The following FBXO43 variants were observed in gnomAD, a reference collection of about 807,000 sequenced individuals.
The protein encoded by FBXO43 is F-box protein 43, also known as F-box only protein 43.
Under a neutral mutation model 56.7 loss-of-function variants are expected in FBXO43, and 22 were observed. The observed-to-expected ratio is 0.39, with a 90% CI of 0.28 to 0.55. The LOEUF (loss-of-function observed/expected upper bound fraction) is 0.55, where lower values mean the gene tolerates loss of function less well. Ranked by LOEUF, FBXO43 falls within the 20% of genes least tolerant of loss-of-function variation. FBXO43 has a pLI of 0.66. For missense variants in FBXO43, 733 were observed against 814.9 expected (o/e 0.90, Z 1.22); for synonymous variants, 306 against 294.5 (o/e 1.04, Z -0.40).
Position 100,140,939 on chromosome 8 carries a change from T to C in FBXO43, c.1315A>G (p.Lys439Glu), listed in dbSNP as rs2132133280. 1.2e-6 allele frequency: 2 copies of C among 1,614,238 alleles called. No individual in the cohort carries two copies. The highest frequency in any genetic ancestry group is 1.7e-6 in the Non-Finnish European group (2 of 1,180,050). ...DLTFSLKNLS[K>E]TPALQLVHEL... is the part of the protein sequence containing the mutation. ...TGTACCAATTGCAAGGCTGGGGTCT[T>C]TGATAAATTCTTTAAGCTAAAGGTC... The change falls in exon 2 of 5, where the codon AAG becomes GAG. Residue 439 changes from lysine (K) to glutamate (E), a missense_variant. Transcript: ENST00000428847.
chr8:100,146,647 C>G (rs901492788), upstream of FBXO43, among the ~76,000 whole-genome samples: 2 of 152,164 alleles, frequency 1.3e-5, no homozygotes, highest in African/African-American at 4.8e-5. Context: ...TCCTAGTCTC[C>G]TTTTTCTGGC....
intron 2 of FBXO43, among the ~76,000 whole-genome samples, chr8:100,138,292 GTCTT>G (rs1267847051): frequency 6.6e-6 from 1 of 152,224 alleles, no homozygotes; most frequent in African/African-American, 2.4e-5. Flanking sequence ...TATTAATCTG[GTCTT>G]TCTTTGTTAT....
Position 100,140,776 on chromosome 8 carries a change from T to G in FBXO43, c.1478A>C (p.Glu493Ala), listed in dbSNP as rs1186362973. Reference sequence around the variant, plus strand: ...TAATTCTGTTAAGATGTCCAGTTTTTCTATACCCATTTTCTTGCCGATCAG... The same window carrying G: ...TAATTCTGTTAAGATGTCCAGTTTTGCTATACCCATTTTCTTGCCGATCAG... Reference protein sequence around the residue: ...AGLIGKKMGIEKLDILTELKY... With the variant: ...AGLIGKKMGIAKLDILTELKY... Residue 493 changes from glutamate (E) to alanine (A), a missense_variant, in exon 2 of 5, where the codon GAA becomes GCA. By Grantham distance (107) the Glu-to-Ala change is moderately radical. Coordinates refer to ENST00000428847, the MANE Select transcript of FBXO43 (RefSeq NM_001029860.4). The G allele has an allele frequency of 2.5e-6, 4 of 1,614,116 alleles. No homozygotes were observed. The East Asian group carries it at 8.9e-5, about 36-fold the overall frequency.
At position 100,134,188 on chromosome 8, in the gene FBXO43, T is replaced by A. The variant is rs1413577446; in HGVS notation, c.1851A>T (p.Leu617Phe). 1 of 1,614,010 alleles carries A rather than the reference T, an allele frequency of 6.2e-7. No individual in the cohort carries two copies. Among genetic ancestry groups the A allele is most frequent in the Non-Finnish European group, 8.5e-7 (1 of 1,180,000 alleles). The stretch of plus-strand genomic sequence containing the variant: ...TAACATATTCTTCCTGTTTACTACT[T>A]AAGTGAGTAACAGAAGAGCTTGCTA... ...TPLASSSVTH[L>F]SSKQEEYVKV... The change falls in exon 4 of 5, where the codon TTA becomes TTT. Residue 617 changes from leucine to phenylalanine, a missense_variant. Leu to Phe is a conservative substitution (Grantham distance 22). Transcript: ENST00000428847.
upstream of FBXO43, among the ~76,000 whole-genome samples, chr8:100,148,558 C>T (rs1814868949): frequency 6.6e-6 from 1 of 152,178 alleles, no homozygotes; most frequent in African/African-American, 2.4e-5. Context: ...ATTACAGGTG[C>T]ATGCCACCAT....
At position 100,134,199 on chromosome 8, in the gene FBXO43, C is replaced by T; in HGVS notation, c.1840G>A (p.Val614Ile). The T allele has an allele frequency of 6.2e-7, 1 of 1,614,120 alleles. No homozygotes were observed. Among genetic ancestry groups the T allele is most frequent in the Non-Finnish European group, 8.5e-7 (1 of 1,180,024 alleles). The change falls in exon 4 of 5, where the codon GTT (valine) becomes ATT (isoleucine). Residue 614 changes from valine to isoleucine, a missense_variant. Coordinates refer to ENST00000428847, the MANE Select transcript of FBXO43 (RefSeq NM_001029860.4). ...EVLTPLASSS[V>I]THLSSKQEEY... ...TCCTGTTTACTACTTAAGTGAGTAA[C>T]AGAAGAGCTTGCTAGAGGTGTCAAA...
chr8:100,139,045 C>T (rs1362560869), intron 2 of FBXO43, among the ~76,000 whole-genome samples: 3 of 152,108 alleles, frequency 2.0e-5, no homozygotes, highest in African/African-American at 7.2e-5. Flanking sequence ...AAGCCTTAAA[C>T]CTTAATAAGA....
rs1375037806 is a variant in FBXO43 at position 100,141,795 on chromosome 8, T to C, written c.459A>G (p.Leu153=). ...AAGATACATTCAACCTTCTGCGAGGTAAACATTTTTTCCCACTGATTTTAG... is the reference window on the plus strand; with the variant it reads ...AAGATACATTCAACCTTCTGCGAGGCAAACATTTTTTCCCACTGATTTTAG... The part of the protein sequence containing the change: ...ETPKISGKKC[L]PRRRLNVSFA... The change falls in exon 2 of 5, where the codon TTA becomes TTG. Residue 153 remains leucine (L), a synonymous_variant. Coordinates refer to ENST00000428847, the MANE Select transcript of FBXO43 (RefSeq NM_001029860.4). 1.3e-6 allele frequency: 2 copies of C among 1,583,406 alleles called. No homozygotes were observed. Among genetic ancestry groups the C allele is most frequent in the Admixed American group, 1.9e-5 (1 of 53,204 alleles).
chr8:100,134,547 TA>T (rs1288282876), intron 3 of FBXO43, among the ~76,000 whole-genome samples, 183 bp from the exon 4 acceptor site: 1 of 152,070 alleles, frequency 6.6e-6, no homozygotes, highest in Non-Finnish European at 1.5e-5. Flanking sequence ...TCACCTAACA[TA>T]TAAAAGTTAA....
intron 3 of FBXO43, 100 bp from the exon 4 acceptor site, chr8:100,134,464 G>T: frequency 9.8e-7 from 1 of 1,025,436 alleles, no homozygotes; most frequent in Non-Finnish European, 1.4e-6. Flanking sequence ...GAGGTTTTTT[G>T]CCATCCGAAT....
At chr8:100,149,990 A>C (rs972050057), upstream of FBXO43, among the ~76,000 whole-genome samples, 1 of 152,158 alleles carries the variant, frequency 6.6e-6, no homozygotes, top group African/African-American at 2.4e-5. Flanking sequence ...TTGTTCTTCT[A>C]TGGTGGAATA....
In FBXO43 at chr8:100,142,093, G is replaced by A; in HGVS notation, c.161C>T (p.Pro54Leu). The part of the protein sequence containing the change: ...GTEAGNGADS[P>L]PIVNSKYSTF... ...GGAGTACTTGGAGTTGACAATTGGA[G>A]GAGAGTCCGCCCCATTTCCTGCTTC... Residue 54 changes from proline (P) to leucine (L), a missense_variant, in exon 2 of 5, where the codon CCT (proline) becomes CTT (leucine). Transcript: ENST00000428847. 1 of 1,612,776 alleles carries A rather than the reference G, an allele frequency of 6.2e-7. No individual in the cohort carries two copies. Among genetic ancestry groups the A allele is most frequent in the Non-Finnish European group, 8.5e-7 (1 of 1,179,522 alleles).
In FBXO43 at chr8:100,141,752, C is replaced by A; in HGVS notation, c.502G>T (p.Asp168Tyr). 1 of 1,595,242 alleles carries A rather than the reference C, an allele frequency of 6.3e-7. No individual in the cohort carries two copies. Among genetic ancestry groups the A allele is most frequent in the Non-Finnish European group, 8.5e-7 (1 of 1,169,812 alleles). Reference sequence around the variant, plus strand: ...AAAGAACTATTTTGTGATTCAAAGTCCCCTTTTAGAAGAGCGAAAGATACA... The same window carrying A: ...AAAGAACTATTTTGTGATTCAAAGTACCCTTTTAGAAGAGCGAAAGATACA... ...LNVSFALLKG[D>Y]FESQNSSLES... The change falls in exon 2 of 5, where the codon GAC (aspartate) becomes TAC (tyrosine). Residue 168 changes from aspartate to tyrosine, a missense_variant. Physicochemically the swap from Asp to Tyr is radical, Grantham distance 160 (BLOSUM62 -3). Transcript: ENST00000428847.
chr8:100,149,924 C>T (rs1814888592), upstream of FBXO43, among the ~76,000 whole-genome samples: 1 of 152,186 alleles, frequency 6.6e-6, no homozygotes, highest in African/African-American at 2.4e-5. Context: ...CCCAACTGAT[C>T]CATCATACTG....
rs376043953 is a variant in FBXO43, at chr8:100,137,659, T to C, written c.1580A>G (p.Lys527Arg). Residue 527 changes from lysine (K) to arginine (R), a missense_variant, in exon 3 of 5, where the codon AAA becomes AGA. Physicochemically the swap from Lys to Arg is conservative, Grantham distance 26. Transcript: ENST00000428847. ...AATTTCACGCCAATTTCTGCTTACTTTCCAAACACTATAACAAAAAGATCC... is the reference window on the plus strand; with the variant it reads ...AATTTCACGCCAATTTCTGCTTACTCTCCAAACACTATAACAAAAAGATCC... ...LTAESLCSVW[K>R]VSRNWREIVV... The C allele has an allele frequency of 1.9e-6, 3 of 1,611,444 alleles. No homozygotes were observed. The highest frequency in any genetic ancestry group is 2.5e-6 in the Non-Finnish European group (3 of 1,178,122).
At chr8:100,143,334 T>A (rs1488095431) in intron 1 of FBXO43, among the ~76,000 whole-genome samples, 2 of 152,242 alleles carry the variant, frequency 1.3e-5, no homozygotes, top group East Asian at 3.8e-4. Flanking sequence ...CAGTAATTTA[T>A]TTATGCTTAA....
At chr8:100,146,616 C>CG (rs1814836437), upstream of FBXO43, among the ~76,000 whole-genome samples, 1 of 152,188 alleles carries the variant, frequency 6.6e-6, no homozygotes, top group African/African-American at 2.4e-5. Flanking sequence ...AGGGACACTC[C>CG]TGCTGCTCTT....
intron 2 of FBXO43, among the ~76,000 whole-genome samples, chr8:100,140,070 C>A (rs940440483): frequency 6.6e-6 from 1 of 150,584 alleles, no homozygotes; most frequent in Non-Finnish European, 1.5e-5. Context: ...AGCTTGCCAT[C>A]TTGAAAATTT....
At chr8:100,137,064 T>C (rs74474852) in intron 3 of FBXO43, 1 of 147,550 alleles carries the variant, frequency 6.8e-6, no homozygotes, top group Non-Finnish European at 1.5e-5. Context: ...CTTTTTTTTT[T>C]GTTTTGTTTT....
Sources: allele counts gnomAD v4.1 joint callset (sites outside exome capture counted in the v4.1 genomes callset), GRCh38; gene constraint gnomAD v4.1.1; transcripts MANE v1.5; gene names NCBI Gene and HGNC (gene_info 2026-07-23, HGNC 2026-07-21).